The following CLMN variants were observed in gnomAD, a reference collection of about 807,000 sequenced individuals.
CLMN encodes calmin (calponin-like, transmembrane).
In CLMN, 57 loss-of-function variants were observed where a neutral mutation model predicts 92.7. That is an observed-to-expected ratio of 0.61 (90% CI 0.50 to 0.77). The LOEUF (loss-of-function observed/expected upper bound fraction) is 0.77. Ranked by LOEUF, CLMN falls within the 30% of genes least tolerant of loss-of-function variation. CLMN has a pLI of 0.00. For missense variants in CLMN, 1,158 were observed against 1,237.5 expected (o/e 0.94, Z 0.96); for synonymous variants, 466 against 470.6 (o/e 0.99, Z 0.13).
Position 95,203,753 on chromosome 14 carries a change from A to G in CLMN, c.1596T>C (p.Thr532=). Residue 532 remains threonine (T), a synonymous_variant, in exon 9 of 13, where the codon ACT becomes ACC. Coordinates refer to ENST00000298912, the MANE Select transcript of CLMN (RefSeq NM_024734.4). ...SHSLSPPGEN[T]VMADSFQIKV... Reference sequence around the variant, plus strand: ...TGATCTGGAAGGAATCGGCCATCACAGTATTTTCTCCTGGGGGTGAAAGAG... The same window carrying G: ...TGATCTGGAAGGAATCGGCCATCACGGTATTTTCTCCTGGGGGTGAAAGAG... The G allele has an allele frequency of 6.2e-7, 1 of 1,614,178 alleles. No homozygotes were observed. Among genetic ancestry groups the G allele is most frequent in the South Asian group, 1.1e-5 (1 of 91,076 alleles).
At chr14:95,193,404 T>A (rs2140557147) in intron 12 of CLMN, 1 of 1,534,232 alleles carries the variant, frequency 6.5e-7, no homozygotes, top group Non-Finnish European at 8.7e-7. Flanking sequence ...AGTAAGCTTC[T>A]GAGTACTGTA....
intron 1 of CLMN, among the ~76,000 whole-genome samples, chr14:95,255,807 T>C (rs1309179233): frequency 6.6e-6 from 1 of 152,196 alleles, no homozygotes. Context: ...TTGTTTTTAC[T>C]AGGTTCCCAT....
intron 9 of CLMN, among the ~76,000 whole-genome samples, chr14:95,197,225 G>C (rs1896741483): frequency 6.6e-6 from 1 of 151,880 alleles, no homozygotes; most frequent in South Asian, 2.1e-4. Flanking sequence ...CTCCAACCTG[G>C]ATGACACAGT....
Position 95,248,883 on chromosome 14 carries a change from A to T in CLMN, c.83-18750T>A, listed in dbSNP as rs369496779. Among the ~76,000 whole-genome samples the T allele has an allele frequency of 3.9e-5, 6 of 152,290 alleles. No homozygotes were observed. The South Asian group carries it at 1.2e-3, about 32-fold the overall frequency. On this transcript the variant is annotated intron_variant, in intron 1 of 12. Coordinates refer to ENST00000298912, the MANE Select transcript of CLMN (RefSeq NM_024734.4). ...TAAGTATATATTTGATAAAAGTTTT[A>T]TGTTTTATTTACAAAAAATTACTAT...
chr14:95,217,955 A>G (rs1162326778), intron 4 of CLMN, among the ~76,000 whole-genome samples: 1 of 152,236 alleles, frequency 6.6e-6, no homozygotes, highest in Non-Finnish European at 1.5e-5. Flanking sequence ...CCGAGGCCCC[A>G]AGGGGCAGAT....
intron 4 of CLMN, among the ~76,000 whole-genome samples, chr14:95,220,278 G>A (rs1322029358): frequency 7.0e-6 from 1 of 142,880 alleles, no homozygotes; most frequent in Admixed American, 7.5e-5. Context: ...CAGGGCTCAA[G>A]CAATTCTCCT....
Position 95,209,419 on chromosome 14 carries a change from T to C in CLMN, c.861A>G (p.Leu287=). 1 of 1,614,148 alleles carries C rather than the reference T, an allele frequency of 6.2e-7. No homozygotes were observed. Among genetic ancestry groups the C allele is most frequent in the Non-Finnish European group, 8.5e-7 (1 of 1,180,008 alleles). The change falls in exon 8 of 13, where the codon CTA becomes CTG. Residue 287 remains leucine (L), a synonymous_variant. Transcript: ENST00000298912. ...QSIMTYVAQF[L]ERFPELEAED... is the part of the protein sequence containing the mutation. ...CGGCTTCCAACTCCGGAAAACGTTC[T>C]AGAAACTGTGCCACGTAAGTCATGA...
chr14:95,193,144 T>A (rs10142477), intron 12 of CLMN: 77,484 of 550,768 alleles, frequency 0.14, 8,881 homozygotes, highest in African/African-American at 0.39. Context: ...GTAAATAAAA[T>A]TTTTTAAAAA....
In CLMN at chr14:95,319,861, C is replaced by CGCGGAGAGCCTGGCTGGCGGGT; in HGVS notation, c.-70_-69insACCCGCCAGCCAGGCTCTCCGC. 2 of 913,718 alleles carry CGCGGAGAGCCTGGCTGGCGGGT rather than the reference C, an allele frequency of 2.2e-6. No individual in the cohort carries two copies. The highest frequency in any genetic ancestry group is 2.6e-6 in the Non-Finnish European group (2 of 766,828). The allele number at this position is 913,718 out of a possible 1,614,324, so 56.6% of individuals were successfully genotyped here. A position where few individuals can be genotyped will look rare whatever the true frequency, so the allele number is the denominator to read the frequency against. ...GGGCGCGGAGAGCCTGGCTGGCGGG[C>CGCGGAGAGCCTGGCTGGCGGGT]GCGCGAGCGGCACGCACCCGGCGAG... On this transcript the variant is annotated 5_prime_UTR_variant, in exon 1 of 13. Coordinates refer to ENST00000298912, the MANE Select transcript of CLMN (RefSeq NM_024734.4).
At chr14:95,319,334 CACACACAG>C (rs200329122) in intron 1 of CLMN, among the ~76,000 whole-genome samples, 90 of 151,290 alleles carry the variant, frequency 5.9e-4, no homozygotes, top group African/African-American at 2.2e-3. Context: ...CACACACACA[CACACACAG>C]AGTCGCACTG....
chr14:95,318,871 G>T (rs1245103044), intron 1 of CLMN, among the ~76,000 whole-genome samples: 5 of 152,154 alleles, frequency 3.3e-5, no homozygotes, highest in Non-Finnish European at 5.9e-5. Context: ...GGAAATTATG[G>T]GTGACTTTTT....
At chr14:95,205,529 CAA>C (rs911014164) in intron 8 of CLMN, among the ~76,000 whole-genome samples, 1 of 151,932 alleles carries the variant, frequency 6.6e-6, no homozygotes, top group African/African-American at 2.4e-5. Flanking sequence ...AATATATGGT[CAA>C]TAGAAAAGAC....
Position 95,242,842 on chromosome 14 carries a change from C to A in CLMN, c.83-12709G>T, listed in dbSNP as rs554139176. Among the ~76,000 whole-genome samples, 7 of 152,316 alleles carry A rather than the reference C, an allele frequency of 4.6e-5. No individual in the cohort carries two copies. In the East Asian group the frequency reaches 1.2e-3, roughly 25 times the overall value. ...TTGGCCTCCCAAAGTGCTGGGATTA[C>A]AGGCATGAGCCACCACGCCCAGCCT... On this transcript the variant is annotated intron_variant, in intron 1 of 12. Coordinates refer to ENST00000298912, the MANE Select transcript of CLMN (RefSeq NM_024734.4).
At chr14:95,249,587 CCTTTT>C (rs1156758479) in intron 1 of CLMN, among the ~76,000 whole-genome samples, 5 of 151,688 alleles carry the variant, frequency 3.3e-5, no homozygotes, top group Non-Finnish European at 7.4e-5. Context: ...CAATTTCTTT[CCTTTT>C]CTTTTTCTTT....
At chr14:95,300,570 C>A (rs181357979) in intron 1 of CLMN, among the ~76,000 whole-genome samples, 11 of 152,340 alleles carry the variant, frequency 7.2e-5, no homozygotes, top group Admixed American at 5.9e-4. Context: ...TAGAGCATGT[C>A]CATGAGCCAC....
In CLMN at chr14:95,256,770, G is replaced by A. The variant is rs1156739722; in HGVS notation, c.83-26637C>T. On this transcript the variant is annotated intron_variant, in intron 1 of 12. Transcript: ENST00000298912. The surrounding 1 kb of genome is among the most constrained non-coding windows in gnomAD (Gnocchi z 4.9). ...AGGGCCCTGGTCCACATTGCACCGG[G>A]AAAACAGACATGGGGAAACTGGGGA... 6.6e-6 allele frequency among the ~76,000 whole-genome samples: 1 copy of A among 152,238 alleles called. No individual in the cohort carries two copies. Among genetic ancestry groups the A allele is most frequent in the Non-Finnish European group, 1.5e-5 (1 of 68,038 alleles).
intron 1 of CLMN, among the ~76,000 whole-genome samples, chr14:95,245,218 A>T (rs1566891028): frequency 3.4e-5 from 1 of 29,498 alleles, no homozygotes; most frequent in African/African-American, 2.1e-4. Flanking sequence ...TTATATATAT[A>T]TATATATTAT....
intron 1 of CLMN, among the ~76,000 whole-genome samples, chr14:95,261,089 C>A (rs1899232862): frequency 6.6e-6 from 1 of 151,646 alleles, no homozygotes; most frequent in Non-Finnish European, 1.5e-5. Context: ...TTACTGAACA[C>A]ATGTATTTTC....
chr14:95,253,633 G>A (rs1898880206), intron 1 of CLMN, among the ~76,000 whole-genome samples: 1 of 143,610 alleles, frequency 7.0e-6, no homozygotes, highest in African/African-American at 2.6e-5. Context: ...TTTTTTTTGA[G>A]ACAGAGTCTC....
Sources: allele counts gnomAD v4.1 joint callset (sites outside exome capture counted in the v4.1 genomes callset), GRCh38; gene constraint gnomAD v4.1.1; non-coding constraint Gnocchi (gnomAD v3.1); transcripts MANE v1.5; gene names NCBI Gene and HGNC (gene_info 2026-07-23, HGNC 2026-07-21).